Variants in PCSK5 observed in about 807,000 individuals in gnomAD.
PCSK5 encodes the protein prohormone convertase 5.
Under a neutral mutation model 233.2 loss-of-function variants are expected in PCSK5, and 129 were observed. The observed-to-expected ratio is 0.55, with a 90% CI of 0.48 to 0.64. PCSK5 has a LOEUF of 0.64. Ranked by LOEUF, PCSK5 falls within the 30% of genes least tolerant of loss-of-function variation. PCSK5 has a pLI of 0.00. For missense variants in PCSK5, 2,076 were observed against 2,430.1 expected (o/e 0.85, Z 3.06); for synonymous variants, 825 against 879.2 (o/e 0.94, Z 1.09).
At chr9:76,008,705 C>G (rs1328080370) in intron 3 of PCSK5, among the ~76,000 whole-genome samples, 1 of 152,190 alleles carries the variant, frequency 6.6e-6, no homozygotes. Flanking sequence ...CGTGATCCAC[C>G]TGCCTCAGCC....
intron 20 of PCSK5, among the ~76,000 whole-genome samples, chr9:76,207,916 T>A (rs893162554): frequency 1.3e-5 from 2 of 152,184 alleles, no homozygotes; most frequent in African/African-American, 2.4e-5. Context: ...TGGCTCATGG[T>A]CCTGGAGGCT....
chr9:76,151,707 A>C (rs1823678655), intron 10 of PCSK5, among the ~76,000 whole-genome samples: 1 of 152,216 alleles, frequency 6.6e-6, no homozygotes, highest in Non-Finnish European at 1.5e-5. Flanking sequence ...ACATGGATTG[A>C]GTACTTACTA....
At chr9:76,019,147 T>C (rs1445665735) in intron 3 of PCSK5, among the ~76,000 whole-genome samples, 1 of 152,232 alleles carries the variant, frequency 6.6e-6, no homozygotes, top group Non-Finnish European at 1.5e-5. Context: ...CTCTTGCAAA[T>C]GGTTGTTGTA....
chr9:76,120,599 T>C (rs1386970192), intron 9 of PCSK5, among the ~76,000 whole-genome samples: 6 of 152,090 alleles, frequency 3.9e-5, no homozygotes, highest in Non-Finnish European at 7.4e-5. Context: ...TGATTATTGC[T>C]TATCTATAAC....
At chr9:75,959,658 C>T (rs1030850877) in intron 2 of PCSK5, among the ~76,000 whole-genome samples, 1 of 152,176 alleles carries the variant, frequency 6.6e-6, no homozygotes, top group South Asian at 2.1e-4. Flanking sequence ...TGGCTGGGCT[C>T]GGGGCCGACT....
chr9:76,077,783 C>T (rs1830692338), intron 7 of PCSK5, among the ~76,000 whole-genome samples: 1 of 152,186 alleles, frequency 6.6e-6, no homozygotes, highest in Non-Finnish European at 1.5e-5. Flanking sequence ...ATGTGTACCA[C>T]ATTTTCTTTA....
At chr9:75,934,028 C>T (rs1823935274) in intron 2 of PCSK5, among the ~76,000 whole-genome samples, 1 of 152,166 alleles carries the variant, frequency 6.6e-6, no homozygotes, top group Non-Finnish European at 1.5e-5. Flanking sequence ...CTATTTCGAT[C>T]CTTCTTGTTA....
rs546249171 is a variant in PCSK5 at position 76,187,622 on chromosome 9, C to G, written c.2283-956C>G. ...GAGTGATCCACCCACCTTGGCCTCC[C>G]GAAGTTCTGGGATTACAGGTGTGAG... On this transcript the variant is annotated intron_variant, in intron 17 of 37. Transcript: ENST00000674117. 3.3e-5 allele frequency among the ~76,000 whole-genome samples: 5 copies of G among 152,182 alleles called. No individual in the cohort carries two copies. In the East Asian group the frequency reaches 9.7e-4, roughly 29 times the overall value.
At chr9:75,979,932 T>G (rs1453474984) in intron 2 of PCSK5, among the ~76,000 whole-genome samples, 1 of 152,214 alleles carries the variant, frequency 6.6e-6, no homozygotes, top group Non-Finnish European at 1.5e-5. Context: ...ATCCAGAGAG[T>G]GCCTCCCACA....
chr9:76,327,074 C>T (rs1249884442), intron 32 of PCSK5, among the ~76,000 whole-genome samples: 1 of 150,992 alleles, frequency 6.6e-6, no homozygotes, highest in Non-Finnish European at 1.5e-5. Context: ...CAAGACCAGC[C>T]TGGGCAGCAA....
At chr9:76,325,688 A>G (rs561565074) in intron 32 of PCSK5, among the ~76,000 whole-genome samples, 2 of 149,352 alleles carry the variant, frequency 1.3e-5, no homozygotes, top group African/African-American at 5.0e-5. Context: ...GCCAGGCTGG[A>G]GTGCAATGGC....
chr9:75,933,526 G>T (rs1264619507), intron 2 of PCSK5, among the ~76,000 whole-genome samples: 1 of 152,122 alleles, frequency 6.6e-6, no homozygotes, highest in Admixed American at 6.5e-5. Flanking sequence ...AAGCAAAAAG[G>T]CCCCTGTTTG....
chr9:75,950,217 G>GTTT (rs549663422), intron 2 of PCSK5, among the ~76,000 whole-genome samples: 1 of 137,600 alleles, frequency 7.3e-6, no homozygotes. Flanking sequence ...TTATTTATTT[G>GTTT]TTTTTTTTTT....
intron 1 of PCSK5, among the ~76,000 whole-genome samples, chr9:75,918,334 A>T (rs1403591704): frequency 6.6e-6 from 1 of 152,222 alleles, no homozygotes; most frequent in East Asian, 1.9e-4. Flanking sequence ...CACCTCTTGG[A>T]TTGAGCTGGC....
chr9:75,991,342 A>T (rs1826760810), intron 3 of PCSK5, among the ~76,000 whole-genome samples: 1 of 152,132 alleles, frequency 6.6e-6, no homozygotes, highest in African/African-American at 2.4e-5. Context: ...ATTGATGCTG[A>T]TGCTGGGGTC....
chr9:75,985,381 G>C (rs749014982), intron 2 of PCSK5, among the ~76,000 whole-genome samples: 2 of 152,148 alleles, frequency 1.3e-5, no homozygotes, highest in Non-Finnish European at 2.9e-5. Flanking sequence ...ACAGCTGGCA[G>C]GGAGCCTATG....
intron 16 of PCSK5, 102 bp from the exon 17 acceptor site, chr9:76,184,571 C>T (rs2131225577): frequency 3.1e-6 from 2 of 649,184 alleles, no homozygotes; most frequent in Non-Finnish European, 5.3e-6. Context: ...TAGTCAAGGC[C>T]ATAGGTACTG....
intron 9 of PCSK5, among the ~76,000 whole-genome samples, chr9:76,124,286 A>ACATACACACACATGTATATAC (rs1832756018): frequency 1.3e-5 from 2 of 152,200 alleles, no homozygotes; most frequent in Non-Finnish European, 2.9e-5. Flanking sequence ...TGTGTTCATT[A>ACATACACACACATGTATATAC]AGTGAAGTTA....
At chr9:75,987,173 C>G (rs1229986130) in intron 3 of PCSK5, among the ~76,000 whole-genome samples, 1 of 152,162 alleles carries the variant, frequency 6.6e-6, no homozygotes, top group Admixed American at 6.5e-5. Flanking sequence ...TGGCTCCCTG[C>G]CTCCCATTCC....
Sources: gnomAD v4.1 joint callset for allele counts (sites outside exome capture counted in the v4.1 genomes callset) on GRCh38, gnomAD v4.1.1 for gene constraint, MANE v1.5 for transcripts, NCBI Gene and HGNC (gene_info 2026-07-23, HGNC 2026-07-21) for gene names.